The following ART1 variants were observed in gnomAD, a reference collection of about 807,000 sequenced individuals.
ART1 encodes the protein GPI-linked NAD(P)(+)--arginine ADP-ribosyltransferase 1.
A neutral mutation model predicts 27.0 loss-of-function variants in ART1; 29 were observed. That is an observed-to-expected ratio of 1.08 (90% CI 0.80 to 1.47). ART1 has a LOEUF of 1.47. Ranked by LOEUF, ART1 falls within the 40% of genes most tolerant of loss-of-function variation. ART1 has a pLI of 0.00. For missense variants in ART1, 480 were observed against 423.0 expected (o/e 1.13, Z -1.18); for synonymous variants, 201 against 172.2 (o/e 1.17, Z -1.31).
At chr11:3,661,177 A>T (rs1479652699) in intron 3 of ART1, among the ~76,000 whole-genome samples, 195 bp from the exon 4 acceptor site, 2 of 151,862 alleles carry the variant, frequency 1.3e-5, no homozygotes, top group Non-Finnish European at 1.5e-5. Context: ...CTGATGGCCC[A>T]CTCCCTTCTG....
chr11:3,653,198 A>T (rs1197685476), intron 1 of ART1, among the ~76,000 whole-genome samples: 1 of 148,570 alleles, frequency 6.7e-6, no homozygotes, highest in Non-Finnish European at 1.5e-5. Flanking sequence ...ATTTCATTTT[A>T]TTTTTCTTAT....
intron 1 of ART1, among the ~76,000 whole-genome samples, chr11:3,646,932 A>G (rs918871522): frequency 2.0e-5 from 3 of 152,244 alleles, no homozygotes; most frequent in Admixed American, 2.0e-4. Context: ...TATAGTAACA[A>G]TAAGGCACTG....
intron 1 of ART1, among the ~76,000 whole-genome samples, chr11:3,656,469 G>A (rs765003062): frequency 1.3e-5 from 2 of 151,860 alleles, no homozygotes; most frequent in Non-Finnish European, 2.9e-5. Context: ...TGCAACCTCC[G>A]CTTCCTGGGT....
At chr11:3,661,474 G>A in intron 4 of ART1, 61 bp downstream of exon 4, 3 of 1,000,046 alleles carry the variant, frequency 3.0e-6, no homozygotes, top group South Asian at 1.5e-5. Flanking sequence ...TCTGGGGTTG[G>A]CCCCATCACC....
At chr11:3,663,956 G>C in intron 4 of ART1, 136 bp from the exon 5 acceptor site, 1 of 722,028 alleles carries the variant, frequency 1.4e-6, no homozygotes, top group East Asian at 2.8e-5. Context: ...TGGCAGTTTT[G>C]TGTATCAGTC....
intron 1 of ART1, 105 bp downstream of exon 1, chr11:3,645,284 T>A (rs1254308151): frequency 6.6e-6 from 1 of 152,022 alleles, no homozygotes; most frequent in Non-Finnish European, 1.5e-5. Context: ...GAGAAAAAGT[T>A]TCCAGGAAAC....
rs199801440 is a variant in ART1 at position 3,664,166 on chromosome 11, C to G, written c.961C>G (p.Pro321Ala). The stretch of plus-strand genomic sequence containing the variant: ...CTGGTTCCTCGTGGTGAGGGCCTTT[C>G]CAGATGGTCCAGGCCTCCTTTGATG... ...LLWFLVVRAF[P>A]DGPGLL Residue 321 changes from proline to alanine, a missense_variant, in exon 5 of 5, where the codon CCA becomes GCA. Pro to Ala is a conservative substitution (Grantham distance 27). Coordinates refer to ENST00000250693, the MANE Select transcript of ART1 (RefSeq NM_004314.3). 1.2e-6 allele frequency: 2 copies of G among 1,613,888 alleles called. No homozygotes were observed. The highest frequency in any genetic ancestry group is 1.7e-6 in the Non-Finnish European group (2 of 1,180,028).
chr11:3,659,084 C>T (rs1409520703), intron 1 of ART1, 78 bp from the exon 2 acceptor site: 2 of 857,696 alleles, frequency 2.3e-6, no homozygotes, highest in East Asian at 2.7e-5. Context: ...ACTCTCAGTG[C>T]CAAGCACTAG....
Position 3,659,523 on chromosome 11 carries a change from C to A in ART1, c.64-60C>A, listed in dbSNP as rs1407669214. ...CTCAGTGGAGGGGAGAGCTGGATGG[C>A]AGGGGACTCATTCTCCCAGGGGCCT... On this transcript the variant is annotated intron_variant, in intron 2 of 4. Transcript: ENST00000250693. 4 of 1,515,856 alleles carry A rather than the reference C, an allele frequency of 2.6e-6. No homozygotes were observed. In the Admixed American group the frequency reaches 7.9e-5, roughly 30 times the overall value. The allele number at this position is 1,515,856 out of a possible 1,614,324, so 93.9% of individuals were successfully genotyped here. A position where few individuals can be genotyped will look rare whatever the true frequency, so the allele number is the denominator to read the frequency against.
At chr11:3,661,641 C>T (rs139914401) in intron 4 of ART1, among the ~76,000 whole-genome samples, 218 of 152,118 alleles carry the variant, frequency 1.4e-3, no homozygotes, top group Non-Finnish European at 2.7e-3. Context: ...GGATTACAGG[C>T]GCATGCCACC....
At chr11:3,645,859 C>T (rs2077466456) in intron 1 of ART1, among the ~76,000 whole-genome samples, 1 of 152,030 alleles carries the variant, frequency 6.6e-6, no homozygotes, top group Admixed American at 6.5e-5. Flanking sequence ...AGTAGGTATC[C>T]AGGAGAAGGG....
chr11:3,653,746 C>A (rs534069992), intron 1 of ART1, among the ~76,000 whole-genome samples: 24 of 152,190 alleles, frequency 1.6e-4, no homozygotes, highest in Admixed American at 3.3e-4. Context: ...TCTCACGTCC[C>A]CTATAGCCCA....
intron 1 of ART1, among the ~76,000 whole-genome samples, chr11:3,653,657 T>C (rs983322500): frequency 6.6e-6 from 1 of 152,180 alleles, no homozygotes; most frequent in Non-Finnish European, 1.5e-5. Flanking sequence ...TTCGTATTTT[T>C]TTTAAATCTA....
intron 1 of ART1, among the ~76,000 whole-genome samples, chr11:3,653,067 G>A (rs563629268): frequency 6.8e-6 from 1 of 148,086 alleles, no homozygotes; most frequent in Non-Finnish European, 1.5e-5. Context: ...TCTTCGTTCA[G>A]CTTAATCTCT....
At chr11:3,647,600 C>T (rs1172833719) in intron 1 of ART1, among the ~76,000 whole-genome samples, 1 of 151,986 alleles carries the variant, frequency 6.6e-6, no homozygotes, top group African/African-American at 2.4e-5. Context: ...CACCACTGCA[C>T]TCCAGCCTGG....
intron 1 of ART1, among the ~76,000 whole-genome samples, chr11:3,646,851 C>T (rs778912013): frequency 1.6e-4 from 24 of 152,288 alleles, no homozygotes; most frequent in Admixed American, 7.8e-4. Context: ...TACTGAGCAC[C>T]TGCTTTGTAC....
chr11:3,647,246 CG>C (rs1235054020), intron 1 of ART1, among the ~76,000 whole-genome samples: 1 of 151,220 alleles, frequency 6.6e-6, no homozygotes, highest in East Asian at 2.0e-4. Context: ...TGCTTGAACC[CG>C]GGAGGCAGAG....
chr11:3,652,321 C>T (rs1265086976), intron 1 of ART1, among the ~76,000 whole-genome samples: 1 of 150,546 alleles, frequency 6.6e-6, no homozygotes, highest in Non-Finnish European at 1.5e-5. Context: ...GCCTTCCCAC[C>T]TCTATACAGT....
intron 3 of ART1, 51 bp from the exon 4 acceptor site, chr11:3,661,321 C>T (rs748367087): frequency 1.3e-6 from 2 of 1,569,238 alleles, no homozygotes; most frequent in South Asian, 2.3e-5. Flanking sequence ...AGGTCCCTTT[C>T]CATCCTGACA....
Sources: allele counts gnomAD v4.1 joint callset (sites outside exome capture counted in the v4.1 genomes callset), GRCh38; gene constraint gnomAD v4.1.1; transcripts MANE v1.5; gene names NCBI Gene and HGNC (gene_info 2026-07-23, HGNC 2026-07-21).